Variants in KLHDC3 observed in about 807,000 individuals in gnomAD.
KLHDC3 encodes the protein kelch domain-containing protein 3.
In KLHDC3, 5 loss-of-function variants were observed where a neutral mutation model predicts 44.1. The ratio of observed to expected loss-of-function variants is 0.11; its 90% CI spans 0.06 to 0.24. KLHDC3 has a LOEUF of 0.24. Among genes scored for constraint, KLHDC3 ranks in the 10% least tolerant of loss-of-function variants. The pLI is 1.00. For missense variants in KLHDC3, 247 were observed against 514.3 expected, an observed-to-expected ratio of 0.48 and a Z score of 5.03; for synonymous variants, 170 against 189.0, an observed-to-expected ratio of 0.90 and a Z score of 0.82.
Position 43,017,807 on chromosome 6 carries a change from C to G in KLHDC3, c.332-46C>G. ...AGAGTACCCCAGAGCTGAGGAGGGA[C>G]TGTCATAGAGGGTGCTTAGTTGAGC... On this transcript the variant is annotated intron_variant, in intron 3 of 10. Coordinates refer to ENST00000326974, the MANE Select transcript of KLHDC3 (RefSeq NM_057161.4). This position sits in a 1 kb window ranked among gnomAD's most constrained non-coding sequence, Gnocchi z 6.0. The G allele has an allele frequency of 6.3e-7, 1 of 1,588,086 alleles. No individual in the cohort carries two copies. Among genetic ancestry groups the G allele is most frequent in the Non-Finnish European group, 8.6e-7 (1 of 1,158,334 alleles).
At chr6:43,016,469 C>G (rs1171552472) in intron 1 of KLHDC3, 1 of 152,330 alleles carries the variant, frequency 6.6e-6, no homozygotes, top group Non-Finnish European at 1.5e-5. Context: ...GTCAAAGGAA[C>G]TCCTTGTGCC....
At position 43,017,480 on chromosome 6, in the gene KLHDC3, G is replaced by T; in HGVS notation, c.155-39G>T. 2.6e-6 allele frequency: 4 copies of T among 1,566,382 alleles called. No homozygotes were observed. In the South Asian group the frequency reaches 3.6e-5, roughly 14 times the overall value. On this transcript the variant is annotated intron_variant, in intron 2 of 10. Transcript: ENST00000326974. This position sits in a 1 kb window ranked among gnomAD's most constrained non-coding sequence, Gnocchi z 6.0. ...TGGTTTGGGAAAAGTGGACAGCCTG[G>T]AGGGAGGTTCCCAGGGCTGAGCAGA...
In KLHDC3 at chr6:43,014,276, G is replaced by C. The variant is rs375871235; in HGVS notation, c.-132G>C. 14 of 813,580 alleles carry C rather than the reference G, an allele frequency of 1.7e-5. No individual in the cohort carries two copies. In the East Asian group the frequency reaches 3.0e-4, roughly 17 times the overall value. 50.4% of individuals were successfully genotyped at this position (813,580 alleles called of 1,614,324 possible). A position where few individuals can be genotyped will look rare whatever the true frequency, so the allele number is the denominator to read the frequency against. On this transcript the variant is annotated 5_prime_UTR_variant, in exon 1 of 11. Transcript: ENST00000326974. ...TTATCTCGTTGGGGACTAAGGCGTC[G>C]GTTGGCGCGCAACGGGTTCTAGGCT...
In KLHDC3 at chr6:43,018,102, C is replaced by T; in HGVS notation, c.448-43C>T. On this transcript the variant is annotated intron_variant, in intron 4 of 10. Coordinates refer to ENST00000326974, the MANE Select transcript of KLHDC3 (RefSeq NM_057161.4). This position sits in a 1 kb window ranked among gnomAD's most constrained non-coding sequence, Gnocchi z 6.0. ...GAGGGATGGAGGGTCAGAGAGTGAC[C>T]ATTGGCTCCCTCTTTTCTTCCTCCT... 2 of 1,481,594 alleles carry T rather than the reference C, an allele frequency of 1.3e-6. No individual in the cohort carries two copies. The highest frequency in any genetic ancestry group is 1.9e-6 in the Non-Finnish European group (2 of 1,059,566). 91.8% of individuals were successfully genotyped at this position (1,481,594 alleles called of 1,614,324 possible).
Position 43,018,900 on chromosome 6 carries a change from G to A in KLHDC3, c.858G>A (p.Lys286=). The A allele has an allele frequency of 1.2e-6, 2 of 1,612,280 alleles. No individual in the cohort carries two copies. Among genetic ancestry groups the A allele is most frequent in the Non-Finnish European group, 1.7e-6 (2 of 1,179,088 alleles). The change falls in exon 8 of 11, where the codon AAG becomes AAA. Residue 286 remains lysine (K), a synonymous_variant. Coordinates refer to ENST00000326974, the MANE Select transcript of KLHDC3 (RefSeq NM_057161.4). This position sits in a 1 kb window ranked among gnomAD's most constrained non-coding sequence, Gnocchi z 6.0. ...GGAAAAAGATTGAACCGAAGGGGAA[G>A]GGGCCATGTCCCCGCCGGCGCCAGT... The part of the protein sequence containing the change: ...FTWKKIEPKG[K]GPCPRRRQCC...
chr6:43,020,853 G>C lies in KLHDC3; in HGVS notation c.*120G>C. 1.3e-6 allele frequency: 1 copy of C among 788,432 alleles called. No homozygotes were observed. Among genetic ancestry groups the C allele is most frequent in the Non-Finnish European group, 2.2e-6 (1 of 450,152 alleles). The allele number at this position is 788,432 out of a possible 1,614,324, so 48.8% of individuals were successfully genotyped here. ...GGTATACCTCCATGTGGAGTTGTTGGGCGAGAGGTGTTCTCTGTGCTGTGA... is the reference window on the plus strand; with the variant it reads ...GGTATACCTCCATGTGGAGTTGTTGCGCGAGAGGTGTTCTCTGTGCTGTGA... On this transcript the variant is annotated 3_prime_UTR_variant, in exon 11 of 11. Coordinates refer to ENST00000326974, the MANE Select transcript of KLHDC3 (RefSeq NM_057161.4).
rs905711938 is a variant in KLHDC3 at position 43,017,487 on chromosome 6, G to T, written c.155-32G>T. 6.4e-7 allele frequency: 1 copy of T among 1,567,328 alleles called. No homozygotes were observed. Among genetic ancestry groups the T allele is most frequent in the African/African-American group, 1.4e-5 (1 of 73,946 alleles). On this transcript the variant is annotated intron_variant, in intron 2 of 10. Transcript: ENST00000326974. This position sits in a 1 kb window ranked among gnomAD's most constrained non-coding sequence, Gnocchi z 6.0. ...GGAAAAGTGGACAGCCTGGAGGGAG[G>T]TTCCCAGGGCTGAGCAGAGCTGTGC...
Position 43,018,844 on chromosome 6 carries a change from C to A in KLHDC3, c.821-19C>A. On this transcript the variant is annotated intron_variant, in intron 7 of 10. Transcript: ENST00000326974. The surrounding 1 kb of genome is among the most constrained non-coding windows in gnomAD (Gnocchi z 6.0). ...CTGGACTAGGCAGGTATTGAACTTC[C>A]ATATAAATTTCTCTTCAGTGTCCTT... 2 of 1,590,644 alleles carry A rather than the reference C, an allele frequency of 1.3e-6. No individual in the cohort carries two copies. The highest frequency in any genetic ancestry group is 1.1e-5 in the South Asian group (1 of 90,210).
At chr6:43,019,026 G>A (rs2150292406) in intron 8 of KLHDC3, 55 bp downstream of exon 8, 1 of 1,565,132 alleles carries the variant, frequency 6.4e-7, no homozygotes, top group Middle Eastern at 1.7e-4. Flanking sequence ...AGAGTGGGAG[G>A]TATTTGAAAA....
Position 43,019,109 on chromosome 6 carries a change from G to T in KLHDC3, c.947G>T (p.Gly316Val). Residue 316 changes from glycine (G) to valine (V), a missense_variant, in exon 9 of 11, where the codon GGC (glycine) becomes GTC (valine). Physicochemically the swap from Gly to Val is moderately radical, Grantham distance 109. Coordinates refer to ENST00000326974, the MANE Select transcript of KLHDC3 (RefSeq NM_057161.4). Reference protein sequence around the residue: ...FGGTSPSPEEGLGDEFDLIDH... With the variant: ...FGGTSPSPEEVLGDEFDLIDH... Reference sequence around the variant, plus strand: ...CCCGACAGTCCATCTCCTGAGGAAGGCCTGGGAGATGAATTTGACCTTATA... The same window carrying T: ...CCCGACAGTCCATCTCCTGAGGAAGTCCTGGGAGATGAATTTGACCTTATA... 1 of 1,613,302 alleles carries T rather than the reference G, an allele frequency of 6.2e-7. No homozygotes were observed. Among genetic ancestry groups the T allele is most frequent in the Non-Finnish European group, 8.5e-7 (1 of 1,179,252 alleles).
intron 1 of KLHDC3, chr6:43,014,726 A>T (rs1762519298): frequency 2.5e-6 from 1 of 400,046 alleles, no homozygotes. Flanking sequence ...AGTGCATGCT[A>T]ATTTTTCTTT....
chr6:43,014,382 T>C, intron 1 of KLHDC3, 34 bp downstream of exon 1: 1 of 618,118 alleles, frequency 1.6e-6, no homozygotes, highest in Non-Finnish European at 3.0e-6. Context: ...CAAGGGAGAA[T>C]TAGGGGGCTT....
In KLHDC3 at chr6:43,017,800, G is replaced by A. The variant is rs1762612565; in HGVS notation, c.332-53G>A. On this transcript the variant is annotated intron_variant, in intron 3 of 10. Transcript: ENST00000326974. The surrounding 1 kb of genome is among the most constrained non-coding windows in gnomAD (Gnocchi z 6.0). ...GGGGAGTAGAGTACCCCAGAGCTGA[G>A]GAGGGACTGTCATAGAGGGTGCTTA... is the stretch of plus-strand genomic sequence containing the variant. 6.3e-7 allele frequency: 1 copy of A among 1,588,342 alleles called. No individual in the cohort carries two copies. The highest frequency in any genetic ancestry group is 1.7e-5 in the Admixed American group (1 of 59,948).
chr6:43,017,179 C>T lies in KLHDC3; in HGVS notation c.-14C>T. ...TGCCGGGGGGGCATGTTGCTGTAAC[C>T]AGTGGCCCAGGGGATGTTACGGTGG... On this transcript the variant is annotated 5_prime_UTR_variant, in exon 2 of 11. Transcript: ENST00000326974. The surrounding 1 kb of genome is among the most constrained non-coding windows in gnomAD (Gnocchi z 6.0). 6.2e-7 allele frequency: 1 copy of T among 1,609,706 alleles called. No individual in the cohort carries two copies.
chr6:43,020,999 T>C lies in KLHDC3; in HGVS notation c.*266T>C. 2 of 611,394 alleles carry C rather than the reference T, an allele frequency of 3.3e-6. No individual in the cohort carries two copies. The highest frequency in any genetic ancestry group is 3.0e-5 in the South Asian group (2 of 65,942). The allele number at this position is 611,394 out of a possible 1,614,324, so 37.9% of individuals were successfully genotyped here. On this transcript the variant is annotated 3_prime_UTR_variant, in exon 11 of 11. Transcript: ENST00000326974. ...TTCAGCTGCTCCTGGGCCTCAGCTC[T>C]GCCCAGGGCCAGCCAGGTTCTGCTG...
At position 43,018,762 on chromosome 6, in the gene KLHDC3, G is replaced by A. The variant is rs199986331; in HGVS notation, c.820+43G>A. 94 of 1,585,352 alleles carry A rather than the reference G, an allele frequency of 5.9e-5. No individual in the cohort carries two copies. Among genetic ancestry groups the A allele is most frequent in the Non-Finnish European group, 7.6e-5 (88 of 1,153,814 alleles). On this transcript the variant is annotated intron_variant, in intron 7 of 10. Transcript: ENST00000326974. This position sits in a 1 kb window ranked among gnomAD's most constrained non-coding sequence, Gnocchi z 6.0. ...TAGGGCAGGAACAAGGAGCAATTGA[G>A]GTGGGAGGAAAAGAAAATAATCCTG...
At chr6:43,016,824 C>A in intron 1 of KLHDC3, 1 of 239,900 alleles carries the variant, frequency 4.2e-6, no homozygotes, top group Non-Finnish European at 8.2e-6. Flanking sequence ...AAGTTTGTGC[C>A]AAGCCAGGGA....
Position 43,018,102 on chromosome 6 carries a change from C to A in KLHDC3, c.448-43C>A. On this transcript the variant is annotated intron_variant, in intron 4 of 10. Coordinates refer to ENST00000326974, the MANE Select transcript of KLHDC3 (RefSeq NM_057161.4). This position sits in a 1 kb window ranked among gnomAD's most constrained non-coding sequence, Gnocchi z 6.0. ...GAGGGATGGAGGGTCAGAGAGTGAC[C>A]ATTGGCTCCCTCTTTTCTTCCTCCT... 1 of 1,481,592 alleles carries A rather than the reference C, an allele frequency of 6.7e-7. No homozygotes were observed. Among genetic ancestry groups the A allele is most frequent in the Non-Finnish European group, 9.4e-7 (1 of 1,059,564 alleles). The allele number at this position is 1,481,592 out of a possible 1,614,324, so 91.8% of individuals were successfully genotyped here.
chr6:43,016,308 CTT>C (rs1762572062), intron 1 of KLHDC3: 1 of 152,292 alleles, frequency 6.6e-6, no homozygotes, highest in African/African-American at 2.4e-5. Flanking sequence ...CTTGTTCTCT[CTT>C]TTCTACTGGA....
Sources: allele counts gnomAD v4.1 joint callset, GRCh38; gene constraint gnomAD v4.1.1; non-coding constraint Gnocchi (gnomAD v3.1); transcripts MANE v1.5; gene names NCBI Gene and HGNC (gene_info 2026-07-23, HGNC 2026-07-21).